The following FBXO11 variants were observed in gnomAD, a reference collection of about 807,000 sequenced individuals.
FBXO11 encodes the protein F-box only protein 11.
Under a neutral mutation model 117.0 loss-of-function variants are expected in FBXO11, and 13 were observed. That is an observed-to-expected ratio of 0.11 (90% confidence interval 0.07 to 0.18). The LOEUF is 0.18. FBXO11 is among the 10% of genes least tolerant of loss of function. FBXO11 has a pLI of 1.00. For synonymous variants in FBXO11, 490 were observed against 380.5 expected (o/e 1.29, Z -3.35); for missense variants, 767 against 1,164.4 (o/e 0.66, Z 4.97).
At chr2:47,846,003 T>G (rs1029441886) in intron 1 of FBXO11, among the ~76,000 whole-genome samples, 2 of 152,154 alleles carry the variant, frequency 1.3e-5, no homozygotes, top group Non-Finnish European at 2.9e-5. Flanking sequence ...TGGAGAAGTA[T>G]TCCCCCAAAA....
At chr2:47,870,611 T>G (rs1259565350) in intron 1 of FBXO11, among the ~76,000 whole-genome samples, 1 of 152,200 alleles carries the variant, frequency 6.6e-6, no homozygotes, top group African/African-American at 2.4e-5. Flanking sequence ...AATCTACAAA[T>G]AGGCAAGGAA....
intron 1 of FBXO11, among the ~76,000 whole-genome samples, chr2:47,896,756 A>C (rs79389870): frequency 0.054 from 8,226 of 152,318 alleles, 242 homozygotes; most frequent in Non-Finnish European, 0.067. Flanking sequence ...TCAGTCATTC[A>C]TATGTAAGTG....
intron 1 of FBXO11, among the ~76,000 whole-genome samples, chr2:47,877,697 G>C (rs1310170580): frequency 6.6e-6 from 1 of 151,894 alleles, no homozygotes; most frequent in Admixed American, 6.6e-5. Context: ...GTTTTGTTTT[G>C]TTTTTGAGAT....
In FBXO11 at chr2:47,806,943, T is replaced by C. The variant is rs1299259554; in HGVS notation, c.*1175A>G. 6.6e-6 allele frequency: 7 copies of C among 1,063,756 alleles called. No homozygotes were observed. Among genetic ancestry groups the C allele is most frequent in the Non-Finnish European group, 1.0e-5 (7 of 699,904 alleles). 65.9% of individuals were successfully genotyped at this position (1,063,756 alleles called of 1,614,324 possible). A position where few individuals can be genotyped will look rare whatever the true frequency, so the allele number is the denominator to read the frequency against. On this transcript the variant is annotated 3_prime_UTR_variant, in exon 23 of 23. Transcript: ENST00000403359. ...CATTATGATCTAATAAACTTTATTT[T>C]TTAAAAATGACCATTTTTCCATTTT... is the stretch of plus-strand genomic sequence containing the variant.
At chr2:47,900,883 TATACAC>T (rs1678184494) in intron 1 of FBXO11, among the ~76,000 whole-genome samples, 1 of 141,314 alleles carries the variant, frequency 7.1e-6, no homozygotes, top group African/African-American at 2.8e-5. Flanking sequence ...CGTGTATATA[TATACAC>T]GTATATATAC....
chr2:47,846,443 G>T (rs1391475703), intron 1 of FBXO11, among the ~76,000 whole-genome samples: 1 of 151,938 alleles, frequency 6.6e-6, no homozygotes, highest in Non-Finnish European at 1.5e-5. Flanking sequence ...CTCCAGCCTG[G>T]GCAACAAAAA....
At chr2:47,902,348 C>G (rs1425959429) in intron 1 of FBXO11, among the ~76,000 whole-genome samples, 2 of 152,162 alleles carry the variant, frequency 1.3e-5, no homozygotes, top group Non-Finnish European at 2.9e-5. Flanking sequence ...TTTCAGCTAA[C>G]GAGTGAACAC....
chr2:47,814,542 T>C (rs1245071393), intron 16 of FBXO11, among the ~76,000 whole-genome samples: 1 of 151,868 alleles, frequency 6.6e-6, no homozygotes, highest in African/African-American at 2.4e-5. Flanking sequence ...CCATGCCCAG[T>C]TAATTTTTGT....
At chr2:47,897,331 G>C (rs1379941271) in intron 1 of FBXO11, among the ~76,000 whole-genome samples, 1 of 152,216 alleles carries the variant, frequency 6.6e-6, no homozygotes, top group Non-Finnish European at 1.5e-5. Flanking sequence ...AAGTCAGTTG[G>C]TTACACTACA....
At chr2:47,840,366 C>G (rs1672924774) in intron 1 of FBXO11, among the ~76,000 whole-genome samples, 1 of 151,510 alleles carries the variant, frequency 6.6e-6, no homozygotes, top group African/African-American at 2.4e-5. Flanking sequence ...AGGAGTGTGT[C>G]TATGAAGAGG....
At chr2:47,898,197 G>A (rs1205646739) in intron 1 of FBXO11, among the ~76,000 whole-genome samples, 1 of 152,120 alleles carries the variant, frequency 6.6e-6, no homozygotes, top group Non-Finnish European at 1.5e-5. Flanking sequence ...TGCAATTAAT[G>A]CATTCATTTT....
At chr2:47,809,966 G>A (rs1670501947) in intron 19 of FBXO11, 3 of 492,576 alleles carry the variant, frequency 6.1e-6, no homozygotes, top group East Asian at 3.4e-5. Context: ...GATTTCATTT[G>A]CATCCATTTT....
chr2:47,854,499 T>A (rs1409972129), intron 1 of FBXO11, among the ~76,000 whole-genome samples: 1 of 151,662 alleles, frequency 6.6e-6, no homozygotes, highest in Non-Finnish European at 1.5e-5. Context: ...GTGAATAAAA[T>A]AAAAATAAAT....
chr2:47,879,175 A>G (rs1676244836), intron 1 of FBXO11, among the ~76,000 whole-genome samples: 1 of 152,124 alleles, frequency 6.6e-6, no homozygotes, highest in Non-Finnish European at 1.5e-5. Flanking sequence ...TTTTTCCATA[A>G]TTTCTTTGAC....
chr2:47,846,480 T>G (rs1387598154), intron 1 of FBXO11, among the ~76,000 whole-genome samples: 2 of 152,132 alleles, frequency 1.3e-5, no homozygotes, highest in Non-Finnish European at 2.9e-5. Flanking sequence ...AAAAATTTTT[T>G]TTTAATTTTA....
chr2:47,856,628 T>C (rs1021312172), intron 1 of FBXO11, among the ~76,000 whole-genome samples: 1 of 152,260 alleles, frequency 6.6e-6, no homozygotes, highest in Non-Finnish European at 1.5e-5. Context: ...CGGACAGTTG[T>C]ATCAGTTAGT....
Position 47,823,265 on chromosome 2 carries a change from G to A in FBXO11, c.1494C>T (p.His498=). 1 of 1,613,862 alleles carries A rather than the reference G, an allele frequency of 6.2e-7. No individual in the cohort carries two copies. The highest frequency in any genetic ancestry group is 1.7e-5 in the Admixed American group (1 of 60,012). The part of the protein sequence containing the change: ...ANPTVVRCEI[H]HGQTGGIYVH... Reference sequence around the variant, plus strand: ...CATATATTCCTCCAGTCTGCCCATGGTGAATTTCACATCGAACCACTGTAG... The same window carrying A: ...CATATATTCCTCCAGTCTGCCCATGATGAATTTCACATCGAACCACTGTAG... Residue 498 remains histidine (H), a synonymous_variant, in exon 12 of 23, where the codon CAC becomes CAT. Transcript: ENST00000403359.
chr2:47,851,368 T>C (rs947145679), intron 1 of FBXO11, among the ~76,000 whole-genome samples: 1 of 151,896 alleles, frequency 6.6e-6, no homozygotes, highest in Non-Finnish European at 1.5e-5. Context: ...CTGGGACTAC[T>C]AATTTTGTAT....
intron 1 of FBXO11, among the ~76,000 whole-genome samples, chr2:47,899,370 T>A (rs982579218): frequency 1.2e-4 from 18 of 152,020 alleles, no homozygotes; most frequent in African/African-American, 4.3e-4. Context: ...ATCTCTTGGG[T>A]TTAATTTTAT....
Sources: gnomAD v4.1 joint callset for allele counts (sites outside exome capture counted in the v4.1 genomes callset) on GRCh38, gnomAD v4.1.1 for gene constraint, MANE v1.5 for transcripts, NCBI Gene and HGNC (gene_info 2026-07-23, HGNC 2026-07-21) for gene names.